SLCO4C1: variants seen among roughly 807,000 people sequenced by gnomAD.
SLCO4C1 encodes the protein solute carrier organic anion transporter family member 4C1.
Under a neutral mutation model 72.1 loss-of-function variants are expected in SLCO4C1, and 58 were observed. That is an observed-to-expected ratio of 0.80 (90% confidence interval 0.65 to 1.00). The LOEUF (loss-of-function observed/expected upper bound fraction) is 1.00. SLCO4C1 is among the 50% of genes least tolerant of loss of function. SLCO4C1 has a pLI of 0.00. For missense variants in SLCO4C1, 898 were observed against 857.9 expected, an observed-to-expected ratio of 1.05 and a Z score of -0.58; for synonymous variants, 297 against 312.5, an observed-to-expected ratio of 0.95 and a Z score of 0.52.
intron 12 of SLCO4C1, among the ~76,000 whole-genome samples, chr5:102,238,160 T>G (rs1011493537): frequency 2.0e-5 from 3 of 152,208 alleles, no homozygotes; most frequent in Non-Finnish European, 4.4e-5. Context: ...TGTTTCATTC[T>G]GAAAATTTTA....
chr5:102,253,513 T>C (rs1748778730), intron 8 of SLCO4C1, among the ~76,000 whole-genome samples: 1 of 151,838 alleles, frequency 6.6e-6, no homozygotes, highest in Non-Finnish European at 1.5e-5. Flanking sequence ...GGGCAAGTGT[T>C]GAAAAACTAT....
At chr5:102,289,004 A>G (rs1749504273) in intron 2 of SLCO4C1, among the ~76,000 whole-genome samples, 1 of 152,228 alleles carries the variant, frequency 6.6e-6, no homozygotes, top group Non-Finnish European at 1.5e-5. Context: ...CCATATCAAT[A>G]AATATATATT....
Position 102,257,466 on chromosome 5 carries a change from T to C in SLCO4C1, c.1274-156A>G, listed in dbSNP as rs1318177467. On this transcript the variant is annotated intron_variant, in intron 7 of 12. Coordinates refer to ENST00000310954, the MANE Select transcript of SLCO4C1 (RefSeq NM_180991.5). ...CATGTACAAATGACTTAAAGGTCCA[T>C]CAAGTAGGGAATTAGTCAAATTAAT... 4.6e-5 allele frequency among the ~76,000 whole-genome samples: 7 copies of C among 152,312 alleles called. No homozygotes were observed. The East Asian group carries it at 1.2e-3, about 25-fold the overall frequency.
At chr5:102,249,479 A>C (rs974945707) in intron 9 of SLCO4C1, among the ~76,000 whole-genome samples, 159 bp downstream of exon 9, 3 of 152,216 alleles carry the variant, frequency 2.0e-5, no homozygotes, top group Admixed American at 2.0e-4. Context: ...AGAGGCATGA[A>C]GGAAAAAGAA....
chr5:102,294,776 C>G (rs942418506), intron 1 of SLCO4C1, among the ~76,000 whole-genome samples: 3 of 152,106 alleles, frequency 2.0e-5, no homozygotes, highest in Non-Finnish European at 4.4e-5. Flanking sequence ...GCATCTAATG[C>G]GCAAAGCAAG....
intron 3 of SLCO4C1, among the ~76,000 whole-genome samples, chr5:102,266,358 G>A (rs909656726): frequency 6.6e-6 from 1 of 152,130 alleles, no homozygotes. Context: ...AGTGATGAAA[G>A]TGGGCCTTCA....
At chr5:102,275,509 G>A (rs1749232125) in intron 2 of SLCO4C1, among the ~76,000 whole-genome samples, 1 of 152,104 alleles carries the variant, frequency 6.6e-6, no homozygotes, top group Non-Finnish European at 1.5e-5. Flanking sequence ...CATAATTGGA[G>A]GCCAGGAAAC....
intron 2 of SLCO4C1, among the ~76,000 whole-genome samples, chr5:102,272,083 G>A (rs1464353615): frequency 6.6e-6 from 1 of 152,160 alleles, no homozygotes; most frequent in Non-Finnish European, 1.5e-5. Flanking sequence ...AGTAGAAAAT[G>A]TGAATAATAC....
chr5:102,247,339 G>A lies in SLCO4C1; in HGVS notation c.1724C>T (p.Ala575Val), dbSNP rs144643168. ...AKAGKCETHC[A>V]KLPIFLCIFF... ...AATGCAAAGGAATATGGGCAGTTTC[G>A]CACAATGAGTTTCACATTTTCCAGC... The change falls in exon 10 of 13, where the codon GCG (alanine) becomes GTG (valine). Residue 575 changes from alanine to valine, a missense_variant. Transcript: ENST00000310954. The A allele has an allele frequency of 6.3e-5, 100 of 1,598,754 alleles. No individual in the cohort carries two copies. Among genetic ancestry groups the A allele is most frequent in the Non-Finnish European group, 7.8e-5 (91 of 1,169,326 alleles).
At chr5:102,289,119 A>G (rs115942320) in intron 2 of SLCO4C1, among the ~76,000 whole-genome samples, 1 of 152,334 alleles carries the variant, frequency 6.6e-6, no homozygotes, top group Non-Finnish European at 1.5e-5. Context: ...AAAATCTTAG[A>G]TCAGCCAATT....
At chr5:102,259,411 T>C (rs538003344) in intron 6 of SLCO4C1, among the ~76,000 whole-genome samples, 1 of 152,208 alleles carries the variant, frequency 6.6e-6, no homozygotes, top group African/African-American at 2.4e-5. Context: ...TAACAGTAGT[T>C]GCAATTAAAG....
At chr5:102,259,200 G>T (rs1489127056) in intron 6 of SLCO4C1, among the ~76,000 whole-genome samples, 2 of 152,072 alleles carry the variant, frequency 1.3e-5, no homozygotes, top group Non-Finnish European at 1.5e-5. Flanking sequence ...TATCTAGGTG[G>T]TATCCTATCT....
intron 3 of SLCO4C1, among the ~76,000 whole-genome samples, chr5:102,266,917 G>A (rs1749051839): frequency 6.6e-6 from 1 of 152,110 alleles, no homozygotes; most frequent in African/African-American, 2.4e-5. Flanking sequence ...CTGTTTATGT[G>A]ATGTATCATA....
At chr5:102,279,013 T>C (rs1233512098) in intron 2 of SLCO4C1, among the ~76,000 whole-genome samples, 1 of 150,554 alleles carries the variant, frequency 6.6e-6, no homozygotes, top group Non-Finnish European at 1.5e-5. Flanking sequence ...AATTGGAAAA[T>C]AGAAAACTAT....
chr5:102,249,525 G>C, intron 9 of SLCO4C1, 113 bp downstream of exon 9: 1 of 1,043,304 alleles, frequency 9.6e-7, no homozygotes, highest in Non-Finnish European at 1.4e-6. Context: ...GCTGCTTAAC[G>C]GAGGCAATGG....
intron 2 of SLCO4C1, among the ~76,000 whole-genome samples, chr5:102,275,903 G>A (rs1040893313): frequency 6.6e-6 from 1 of 152,056 alleles, no homozygotes. Flanking sequence ...CATAACAAAA[G>A]TGTCAAAAGA....
At chr5:102,251,978 T>C (rs1034558491) in intron 8 of SLCO4C1, among the ~76,000 whole-genome samples, 9 of 146,596 alleles carry the variant, frequency 6.1e-5, no homozygotes, top group Middle Eastern at 3.4e-3. Context: ...GAGAAATGGA[T>C]AGAAGGAACG....
At position 102,276,859 on chromosome 5, in the gene SLCO4C1, C is replaced by A. The variant is rs1017449422; in HGVS notation, c.620-6053G>T. Among the ~76,000 whole-genome samples the A allele has an allele frequency of 2.0e-4, 31 of 152,038 alleles. 1 individual carries two copies. ...ATTTAAGGGAATAATGACTGTGTGC[C>A]TTGATGGAAACTTAAATCCCTTGGG... is the stretch of plus-strand genomic sequence containing the variant. On this transcript the variant is annotated intron_variant, in intron 2 of 12. Transcript: ENST00000310954.
chr5:102,273,245 A>G (rs942895789), intron 2 of SLCO4C1, among the ~76,000 whole-genome samples: 6 of 152,158 alleles, frequency 3.9e-5, no homozygotes, highest in Non-Finnish European at 7.4e-5. Flanking sequence ...GCAATCAAAC[A>G]TAGGTATAAT....
Sources: gnomAD v4.1 joint callset for allele counts (sites outside exome capture counted in the v4.1 genomes callset) on GRCh38, gnomAD v4.1.1 for gene constraint, MANE v1.5 for transcripts, NCBI Gene and HGNC (gene_info 2026-07-23, HGNC 2026-07-21) for gene names.